The following CFAP61 variants were observed in gnomAD, a reference collection of about 807,000 sequenced individuals.
CFAP61 encodes the protein cilia and flagella associated protein 61.
A neutral mutation model predicts 135.6 loss-of-function variants in CFAP61; 107 were observed. The ratio of observed to expected loss-of-function variants is 0.79; its 90% confidence interval spans 0.67 to 0.93. The LOEUF is 0.93. Among genes scored for constraint, CFAP61 ranks in the 40% least tolerant of loss-of-function variants. CFAP61 has a pLI of 0.00. For missense variants in CFAP61, 1,507 were observed against 1,556.2 expected (o/e 0.97, Z 0.53); for synonymous variants, 575 against 578.5 (o/e 0.99, Z 0.09).
At chr20:20,109,686 A>G (rs2048664822) in intron 8 of CFAP61, among the ~76,000 whole-genome samples, 1 of 152,138 alleles carries the variant, frequency 6.6e-6, no homozygotes, top group African/African-American at 2.4e-5. Context: ...AGCTGTGATT[A>G]TATCTCTTTC....
At chr20:20,357,034 A>AGT (rs1425128802) in intron 26 of CFAP61, among the ~76,000 whole-genome samples, 3 of 48,364 alleles carry the variant, frequency 6.2e-5, no homozygotes, top group African/African-American at 6.6e-5. Context: ...AGGTGGTCAC[A>AGT]CTGAGAGGAG....
intron 8 of CFAP61, among the ~76,000 whole-genome samples, chr20:20,105,309 T>A (rs1478407481): frequency 6.6e-6 from 1 of 152,172 alleles, no homozygotes; most frequent in Non-Finnish European, 1.5e-5. Context: ...TGTGCCCTGG[T>A]CACCTCCACT....
At chr20:20,167,190 A>T (rs921481962) in intron 12 of CFAP61, among the ~76,000 whole-genome samples, 1 of 152,210 alleles carries the variant, frequency 6.6e-6, no homozygotes, top group African/African-American at 2.4e-5. Context: ...TTTCCTGGAT[A>T]CTGTTTCTAA....
intron 25 of CFAP61, among the ~76,000 whole-genome samples, chr20:20,323,752 G>A (rs1239944232): frequency 2.6e-5 from 4 of 152,112 alleles, no homozygotes; most frequent in African/African-American, 7.2e-5. Context: ...GGGTTGTGGC[G>A]GGGGTATGAA....
intron 26 of CFAP61, among the ~76,000 whole-genome samples, chr20:20,343,305 G>A (rs769171263): frequency 6.6e-6 from 1 of 152,192 alleles, no homozygotes; most frequent in Non-Finnish European, 1.5e-5. Flanking sequence ...CCACTTTTCA[G>A]TTTCACTCCC....
intron 26 of CFAP61, among the ~76,000 whole-genome samples, chr20:20,348,435 CTCAGCAATT>C (rs1355415796): frequency 6.6e-6 from 1 of 152,054 alleles, no homozygotes; most frequent in Non-Finnish European, 1.5e-5. Context: ...CGCCTATAAT[CTCAGCAATT>C]TGGAAGGCCA....
intron 2 of CFAP61, among the ~76,000 whole-genome samples, chr20:20,059,211 C>A (rs1444126967): frequency 6.6e-6 from 1 of 151,046 alleles, no homozygotes; most frequent in Non-Finnish European, 1.5e-5. Flanking sequence ...ACTCTGTAGT[C>A]CCACTACTCG....
At chr20:20,097,882 G>A (rs930447943) in intron 7 of CFAP61, among the ~76,000 whole-genome samples, 1 of 152,186 alleles carries the variant, frequency 6.6e-6, no homozygotes, top group African/African-American at 2.4e-5. Flanking sequence ...ACCTGATAAG[G>A]AGCTAGGGAC....
chr20:20,348,806 A>AC (rs1034707091), intron 26 of CFAP61, among the ~76,000 whole-genome samples: 19 of 151,960 alleles, frequency 1.3e-4, no homozygotes, highest in Admixed American at 3.9e-4. Flanking sequence ...CTAAAAAAAA[A>AC]AAAAAACAAA....
At chr20:20,340,842 G>T (rs777870669) in intron 25 of CFAP61, among the ~76,000 whole-genome samples, 6 of 152,146 alleles carry the variant, frequency 3.9e-5, no homozygotes, top group Non-Finnish European at 7.4e-5. Flanking sequence ...CTGATGCCAT[G>T]TTCTGATCCA....
chr20:20,278,700 C>T (rs1359716403), intron 22 of CFAP61, among the ~76,000 whole-genome samples: 2 of 152,064 alleles, frequency 1.3e-5, no homozygotes, highest in Non-Finnish European at 2.9e-5. Flanking sequence ...GTGGCTCTCA[C>T]CCCCACCCCA....
At position 20,288,866 on chromosome 20, in the gene CFAP61, T is replaced by C. The variant is rs779716289; in HGVS notation, c.3054T>C (p.Leu1018=). 1.2e-6 allele frequency: 2 copies of C among 1,613,986 alleles called. No individual in the cohort carries two copies. Among genetic ancestry groups the C allele is most frequent in the Non-Finnish European group, 8.5e-7 (1 of 1,179,864 alleles). The part of the protein sequence containing the change: ...AAMLHLFDPT[L]EPVTEPPANL... ...TGCTACATCTCTTTGATCCAACCCTTGAGCCTGTGACCGAGCCACCAGCTA... is the reference window on the plus strand; with the variant it reads ...TGCTACATCTCTTTGATCCAACCCTCGAGCCTGTGACCGAGCCACCAGCTA... The change falls in exon 23 of 27, where the codon CTT becomes CTC. Residue 1018 remains leucine, a synonymous_variant. Coordinates refer to ENST00000245957, the MANE Select transcript of CFAP61 (RefSeq NM_015585.4).
intron 22 of CFAP61, among the ~76,000 whole-genome samples, chr20:20,280,710 A>T (rs929488843): frequency 5.9e-5 from 9 of 152,130 alleles, no homozygotes; most frequent in Non-Finnish European, 1.2e-4. Flanking sequence ...TGTGTGGATA[A>T]TATTTTTATT....
chr20:20,300,613 T>G (rs6515097), intron 25 of CFAP61, among the ~76,000 whole-genome samples: 71,951 of 151,098 alleles, frequency 0.48, 17,901 homozygotes, highest in Middle Eastern at 0.6. Flanking sequence ...TTTTGTTTTT[T>G]TTTTTTTTTG....
chr20:20,219,549 A>G (rs1360499916), intron 17 of CFAP61, among the ~76,000 whole-genome samples: 1 of 152,242 alleles, frequency 6.6e-6, no homozygotes, highest in Non-Finnish European at 1.5e-5. Context: ...TGGATTGGAA[A>G]GAGAAAAATG....
At chr20:20,221,170 G>A (rs1036739041) in intron 17 of CFAP61, 4 of 152,118 alleles carry the variant, frequency 2.6e-5, no homozygotes, top group Non-Finnish European at 1.5e-5. Context: ...GCAGAAACCC[G>A]GAGGCCATTT....
At chr20:20,098,626 A>AAAT in intron 7 of CFAP61, 29 bp from the exon 8 acceptor site, 1 of 1,525,388 alleles carries the variant, frequency 6.6e-7, no homozygotes, top group Non-Finnish European at 8.8e-7. Context: ...AAAAAAAAAA[A>AAAT]GAATAATGAG....
Position 20,360,217 on chromosome 20 carries a change from A to G in CFAP61, c.3521A>G (p.Asp1174Gly), listed in dbSNP as rs779533451. ...RQILASKEEE[D>G]LPSIEQLAHQ... Reference sequence around the variant, plus strand: ...TCTTACTGTGTTTTACAGGAGGAAGATCTTCCTTCCATAGAGCAGTTAGCC... The same window carrying G: ...TCTTACTGTGTTTTACAGGAGGAAGGTCTTCCTTCCATAGAGCAGTTAGCC... The change falls in exon 27 of 27, where the codon GAT becomes GGT. Residue 1174 changes from aspartate (D) to glycine (G), a missense_variant. Physicochemically the swap from Asp to Gly is moderately conservative, Grantham distance 94 (BLOSUM62 -1). Coordinates refer to ENST00000245957, the MANE Select transcript of CFAP61 (RefSeq NM_015585.4). 75 of 1,612,834 alleles carry G rather than the reference A, an allele frequency of 4.7e-5. No homozygotes were observed. Among genetic ancestry groups the G allele is most frequent in the Non-Finnish European group, 5.9e-5 (69 of 1,179,032 alleles).
At chr20:20,240,092 C>T (rs930349583) in intron 18 of CFAP61, among the ~76,000 whole-genome samples, 12 of 152,088 alleles carry the variant, frequency 7.9e-5, no homozygotes, top group Admixed American at 6.5e-4. Flanking sequence ...GATGAGGCGA[C>T]CAAGAGCTTT....
Sources: allele counts gnomAD v4.1 joint callset (sites outside exome capture counted in the v4.1 genomes callset), GRCh38; gene constraint gnomAD v4.1.1; transcripts MANE v1.5; gene names NCBI Gene and HGNC (gene_info 2026-07-23, HGNC 2026-07-21).